The following SCN7A variants were observed in gnomAD, a reference collection of about 807,000 sequenced individuals.
The protein encoded by SCN7A is sodium voltage-gated channel alpha subunit 7, also known as sodium channel protein type 7 subunit alpha.
A neutral mutation model predicts 155.2 loss-of-function variants in SCN7A; 138 were observed. The ratio of observed to expected loss-of-function variants is 0.89; its 90% CI spans 0.77 to 1.02. The LOEUF (loss-of-function observed/expected upper bound fraction) is 1.02. SCN7A is among the 50% of genes least tolerant of loss of function. The pLI, the probability that SCN7A is intolerant of heterozygous loss-of-function variation, is 0.00. For synonymous variants in SCN7A, 693 were observed against 649.0 expected (o/e 1.07, Z -1.03); for missense variants, 2,058 against 1,986.6 (o/e 1.04, Z -0.68).
At position 166,406,645 on chromosome 2, in the gene SCN7A, T is replaced by A. The variant is rs34971284; in HGVS notation, c.3984A>T (p.Gly1328=). 11,320 of 1,585,010 alleles carry A rather than the reference T, an allele frequency of 7.1e-3. 683 individuals are homozygous for A. The African/African-American group carries it at 0.13, about 19-fold the overall frequency. ...ATCCTACTGTCATAGGCAGACATAGTCCTGGGGGTGGGAAAGATAAAGCAG... is the reference window on the plus strand; with the variant it reads ...ATCCTACTGTCATAGGCAGACATAGACCTGGGGGTGGGAAAGATAAAGCAG... The part of the protein sequence containing the change: ...DFMVVIFSIT[G]LCLPMTVGSY... Residue 1328 remains glycine, a splice_region_variant and synonymous_variant, in exon 26 of 26, where the codon GGA becomes GGT. Transcript: ENST00000643258.
chr2:166,407,711 CT>C (rs1189485237), intron 25 of SCN7A, among the ~76,000 whole-genome samples: 2 of 151,660 alleles, frequency 1.3e-5, no homozygotes, highest in Admixed American at 1.3e-4. Flanking sequence ...AACCCAGTCT[CT>C]TTTTTGGGGG....
At chr2:166,419,466 T>G (rs1263300863) in intron 20 of SCN7A, among the ~76,000 whole-genome samples, 1 of 151,124 alleles carries the variant, frequency 6.6e-6, no homozygotes, top group African/African-American at 2.4e-5. Flanking sequence ...TAGGTGATCC[T>G]CTCACCTCAT....
Position 166,456,899 on chromosome 2 carries a change from CT to C in SCN7A, c.1260del (p.Glu421AsnfsTer16), listed in dbSNP as rs1468223819. The stretch of plus-strand genomic sequence containing the variant: ...TCTGTTTCATTTCCTTCTTGAAGTT[CT>C]TTTCCAGTCTGTTGAAATTTTGGTT... ...KIEPKFQQTG[K>X]ELQEGNETDE... On this transcript the variant is annotated frameshift_variant, in exon 11 of 26. Transcript: ENST00000643258. LOFTEE classifies it high-confidence loss of function. 2 of 1,549,924 alleles carry C rather than the reference CT, an allele frequency of 1.3e-6. No individual in the cohort carries two copies. Among genetic ancestry groups the C allele is most frequent in the African/African-American group, 2.7e-5 (2 of 72,860 alleles).
chr2:166,454,707 C>A (rs1039530003), intron 11 of SCN7A, among the ~76,000 whole-genome samples: 3 of 152,076 alleles, frequency 2.0e-5, no homozygotes, highest in Admixed American at 1.3e-4. Context: ...TCAATATAGA[C>A]CTTTTTCCCA....
chr2:166,475,279 C>T (rs371413683), intron 3 of SCN7A, among the ~76,000 whole-genome samples: 9 of 148,142 alleles, frequency 6.1e-5, no homozygotes, highest in East Asian at 5.9e-4. Flanking sequence ...TAATTTATAA[C>T]ATATAACATA....
At chr2:166,470,478 A>G in intron 7 of SCN7A, 137 bp downstream of exon 7, 1 of 701,360 alleles carries the variant, frequency 1.4e-6, no homozygotes, top group South Asian at 2.7e-5. Flanking sequence ...ACATAAATGT[A>G]AATTTCAGAT....
chr2:166,479,730 G>T (rs969460296), intron 2 of SCN7A, among the ~76,000 whole-genome samples: 2 of 152,060 alleles, frequency 1.3e-5, no homozygotes, highest in African/African-American at 4.8e-5. Flanking sequence ...CCAGCCTCTG[G>T]ATTCATTTAC....
chr2:166,454,551 G>A (rs1702237471), intron 11 of SCN7A, among the ~76,000 whole-genome samples: 1 of 152,120 alleles, frequency 6.6e-6, no homozygotes, highest in African/African-American at 2.4e-5. Context: ...CTTTGACTTA[G>A]TAGGGACCTT....
chr2:166,432,305 T>C lies in SCN7A; in HGVS notation c.2592+13A>G, dbSNP rs1352473287. ...AATCACCACTAAGCAATCAGGATAT[T>C]TAAACATCTTACCTCTTTGCTGCCT... On this transcript the variant is annotated intron_variant, in intron 16 of 25. Coordinates refer to ENST00000643258, the MANE Select transcript of SCN7A (RefSeq NM_002976.4). The C allele has an allele frequency of 6.3e-7, 1 of 1,577,694 alleles. No homozygotes were observed. The highest frequency in any genetic ancestry group is 1.7e-4 in the Middle Eastern group (1 of 5,826).
intron 9 of SCN7A, 28 bp from the exon 10 acceptor site, chr2:166,462,558 T>G (rs1415659952): frequency 2.5e-6 from 4 of 1,608,128 alleles, no homozygotes; most frequent in Non-Finnish European, 3.4e-6. Context: ...AAAAACCTGC[T>G]TACTATTAGG....
rs1335961479 is a variant in SCN7A, at chr2:166,473,803, A to C, written c.439T>G (p.Leu147Val). 2.9e-6 allele frequency: 4 copies of C among 1,381,720 alleles called. No individual in the cohort carries two copies. Among genetic ancestry groups the C allele is most frequent in the Non-Finnish European group, 4.0e-6 (4 of 995,616 alleles). 85.6% of individuals were successfully genotyped at this position (1,381,720 alleles called of 1,614,324 possible). A position where few individuals can be genotyped will look rare whatever the true frequency, so the allele number is the denominator to read the frequency against. Residue 147 changes from leucine (L) to valine (V), a missense_variant, in exon 5 of 26, where the codon TTA becomes GTA. Leu to Val is a conservative substitution (Grantham distance 32). Coordinates refer to ENST00000643258, the MANE Select transcript of SCN7A (RefSeq NM_002976.4). The stretch of plus-strand genomic sequence containing the variant: ...TAAAATAATTATATAACATACTCTA[A>C]TACTGGTCTCCATTTTGGCAAATTA... ...LTNLPKWRPVLENTLLGIYTF... is the reference protein window; with the variant it reads ...LTNLPKWRPVVENTLLGIYTF...
chr2:166,473,169 G>A (rs1702697480), intron 5 of SCN7A, among the ~76,000 whole-genome samples: 1 of 151,270 alleles, frequency 6.6e-6, no homozygotes. Context: ...CTCTGAACTT[G>A]AAAGTTAAAC....
rs1249403253 is a variant in SCN7A, at chr2:166,427,786, A to G, written c.2853+2T>C. ...TATCAAACACCCTGGCTGCCCACTTACCAGAGTGCCAGTGCTGAGCAGAGT... is the reference window on the plus strand; with the variant it reads ...TATCAAACACCCTGGCTGCCCACTTGCCAGAGTGCCAGTGCTGAGCAGAGT... On this transcript the variant is annotated splice_donor_variant, in intron 18 of 25. Transcript: ENST00000643258. LOFTEE classifies it high-confidence loss of function. 1 of 1,604,780 alleles carries G rather than the reference A, an allele frequency of 6.2e-7. No homozygotes were observed. Among genetic ancestry groups the G allele is most frequent in the Admixed American group, 1.7e-5 (1 of 59,334 alleles).
chr2:166,440,215 G>A (rs543295566), intron 15 of SCN7A, among the ~76,000 whole-genome samples: 84 of 152,198 alleles, frequency 5.5e-4, no homozygotes, highest in African/African-American at 1.8e-3. Flanking sequence ...TGATGACCAG[G>A]TCATGTCCAC....
chr2:166,477,849 T>C (rs1415761121), intron 2 of SCN7A, 139 bp from the exon 3 acceptor site: 2 of 499,494 alleles, frequency 4.0e-6, no homozygotes, highest in Non-Finnish European at 6.7e-6. Context: ...GAAATCTAAG[T>C]TGTCCTGAGT....
intron 6 of SCN7A, among the ~76,000 whole-genome samples, chr2:166,471,293 T>C (rs1452510285): frequency 1.3e-5 from 2 of 151,888 alleles, no homozygotes; most frequent in African/African-American, 2.4e-5. Context: ...CTCAGTTTCC[T>C]CAACTGTAAA....
chr2:166,489,275 TATATAC>T (rs1683024746), intron 1 of SCN7A, among the ~76,000 whole-genome samples: 1 of 152,238 alleles, frequency 6.6e-6, no homozygotes, highest in African/African-American at 2.4e-5. Context: ...GTATAATGAT[TATATAC>T]ATAAAGTTGT....
chr2:166,457,744 T>C (rs1268473708), intron 10 of SCN7A, among the ~76,000 whole-genome samples: 1 of 152,192 alleles, frequency 6.6e-6, no homozygotes, highest in Non-Finnish European at 1.5e-5. Context: ...TTTTATTTCA[T>C]AATAATTTCC....
In SCN7A at chr2:166,427,927, GA is replaced by G; in HGVS notation, c.2713del (p.Ser905LeufsTer27). 1 of 1,612,654 alleles carries G rather than the reference GA, an allele frequency of 6.2e-7. No homozygotes were observed. On this transcript the variant is annotated frameshift_variant, in exon 18 of 26. Transcript: ENST00000643258. LOFTEE classifies it high-confidence loss of function. ...KHLKNGCRRG[S>X]SLGQISGASK... ...TGCTCCACTGATTTGACCAAGTGAA[GA>G]TCCGCGTCTGCAACCTGTCAAGATT...
Sources: allele counts gnomAD v4.1 joint callset (sites outside exome capture counted in the v4.1 genomes callset), GRCh38; gene constraint gnomAD v4.1.1; transcripts MANE v1.5; gene names NCBI Gene and HGNC (gene_info 2026-07-23, HGNC 2026-07-21).